LRRC8D: variants seen among roughly 807,000 people sequenced by gnomAD.
LRRC8D encodes the protein leucine rich repeat containing 8 VRAC subunit D, also known as volume-regulated anion channel subunit LRRC8D.
A neutral mutation model predicts 55.8 loss-of-function variants in LRRC8D; 20 were observed. The observed-to-expected ratio is 0.36, with a 90% CI of 0.25 to 0.52. LRRC8D has a LOEUF of 0.52. LRRC8D is among the 20% of genes least tolerant of loss of function. LRRC8D has a pLI of 0.93. For synonymous variants in LRRC8D, 352 were observed against 377.0 expected, an observed-to-expected ratio of 0.93 and a Z score of 0.77; for missense variants, 651 against 1,030.8, an observed-to-expected ratio of 0.63 and a Z score of 5.05.
At chr1:89,826,601 C>G (rs948510436) in intron 1 of LRRC8D, among the ~76,000 whole-genome samples, 5 of 152,146 alleles carry the variant, frequency 3.3e-5, no homozygotes, top group Non-Finnish European at 7.3e-5. Context: ...AGGTGATGTG[C>G]TTAGCGTAAG....
At chr1:89,927,232 C>T (rs1235225746) in intron 2 of LRRC8D, among the ~76,000 whole-genome samples, 2 of 152,274 alleles carry the variant, frequency 1.3e-5, no homozygotes, top group South Asian at 2.1e-4. Flanking sequence ...GGCGGAGGCG[C>T]AGCCTCAATG....
At chr1:89,828,683 A>ACC (rs1660818358) in intron 1 of LRRC8D, among the ~76,000 whole-genome samples, 1 of 151,848 alleles carries the variant, frequency 6.6e-6, no homozygotes, top group African/African-American at 2.4e-5. Flanking sequence ...GTCTGTGTCT[A>ACC]CCCCTTGACA....
intron 2 of LRRC8D, 142 bp downstream of exon 2, chr1:89,843,924 T>C: frequency 4.0e-6 from 2 of 497,264 alleles, no homozygotes; most frequent in South Asian, 5.0e-5. Context: ...ACCCGGGGTC[T>C]CTGCCAAACT....
intron 2 of LRRC8D, among the ~76,000 whole-genome samples, chr1:89,876,322 C>A (rs187063636): frequency 6.6e-6 from 1 of 152,294 alleles, no homozygotes; most frequent in East Asian, 1.9e-4. Context: ...AGGATTAAAA[C>A]CACCGTGGGG....
intron 2 of LRRC8D, among the ~76,000 whole-genome samples, chr1:89,876,202 T>C (rs1662142380): frequency 6.6e-6 from 1 of 152,182 alleles, no homozygotes; most frequent in Non-Finnish European, 1.5e-5. Context: ...GCTTTTTCTC[T>C]GTGGTTGAGG....
At chr1:89,916,295 AG>A (rs1486045157) in intron 2 of LRRC8D, among the ~76,000 whole-genome samples, 2 of 152,258 alleles carry the variant, frequency 1.3e-5, no homozygotes, top group East Asian at 3.8e-4. Flanking sequence ...TATTTTCATA[AG>A]AGCTGCACAA....
At chr1:89,834,855 A>G (rs1387665517) in intron 1 of LRRC8D, among the ~76,000 whole-genome samples, 8 of 152,180 alleles carry the variant, frequency 5.3e-5, no homozygotes, top group Non-Finnish European at 7.3e-5. Flanking sequence ...GTGTTTGGGA[A>G]ATGCTGCTGG....
rs946275666 is a variant in LRRC8D, at chr1:89,911,867, C to T, written c.-2-21200C>T. Among the ~76,000 whole-genome samples the T allele has an allele frequency of 5.3e-5, 8 of 152,164 alleles. No individual in the cohort carries two copies. The highest frequency in any genetic ancestry group is 1.0e-4 in the Non-Finnish European group (7 of 68,018). On this transcript the variant is annotated intron_variant, in intron 2 of 2. Coordinates refer to ENST00000337338, the MANE Select transcript of LRRC8D (RefSeq NM_001134479.2). The surrounding 1 kb of genome is among the most constrained non-coding windows in gnomAD (Gnocchi z 4.0). ...TTGCCTCTTTTGGCTTCTAGGCCAACATTCTCTTCATAGTTCTTGTCCTCT... is the reference window on the plus strand; with the variant it reads ...TTGCCTCTTTTGGCTTCTAGGCCAATATTCTCTTCATAGTTCTTGTCCTCT...
chr1:89,884,246 A>G (rs992595049), intron 2 of LRRC8D, among the ~76,000 whole-genome samples: 4 of 152,210 alleles, frequency 2.6e-5, no homozygotes, highest in Non-Finnish European at 5.9e-5. Flanking sequence ...AAAGAAAACA[A>G]TCTCACAGTA....
rs1450756839 is a variant in LRRC8D, at chr1:89,824,041, T to C, written c.-148+2750T>C. On this transcript the variant is annotated intron_variant, in intron 1 of 2. Transcript: ENST00000337338. Reference sequence around the variant, plus strand: ...AGGCAATTTTGCTTCTCAGCAGACATTGAGGAATGTCGGAGACATTTATGG... The same window carrying C: ...AGGCAATTTTGCTTCTCAGCAGACACTGAGGAATGTCGGAGACATTTATGG... 2.0e-5 allele frequency among the ~76,000 whole-genome samples: 3 copies of C among 152,038 alleles called. No individual in the cohort carries two copies. In the East Asian group the frequency reaches 5.8e-4, roughly 29 times the overall value.
chr1:89,877,739 T>C (rs1385506279), intron 2 of LRRC8D, among the ~76,000 whole-genome samples: 1 of 152,232 alleles, frequency 6.6e-6, no homozygotes, highest in Non-Finnish European at 1.5e-5. Flanking sequence ...TGGTATGGTA[T>C]TGTCTAGGTT....
rs1393559671 is a variant in LRRC8D, at chr1:89,936,228, AC to A, written c.*584del. ...CTCGTGTCATAGATTTTATACTCTT[AC>A]AGACTTGGAATGCAGTAGAGGTATG... On this transcript the variant is annotated 3_prime_UTR_variant, in exon 3 of 3. Transcript: ENST00000337338. 1 of 167,134 alleles carries A rather than the reference AC, an allele frequency of 6.0e-6. No homozygotes were observed. The highest frequency in any genetic ancestry group is 1.5e-5 in the Non-Finnish European group (1 of 68,198). 10.4% of individuals were successfully genotyped at this position (167,134 alleles called of 1,614,324 possible). A position where few individuals can be genotyped will look rare whatever the true frequency, so the allele number is the denominator to read the frequency against.
intron 2 of LRRC8D, among the ~76,000 whole-genome samples, chr1:89,883,421 C>T (rs1001429156): frequency 6.6e-6 from 1 of 152,146 alleles, no homozygotes; most frequent in Admixed American, 6.5e-5. Flanking sequence ...CAAGCATGAC[C>T]AGAGGGTAAA....
At chr1:89,875,268 A>G (rs183713718) in intron 2 of LRRC8D, among the ~76,000 whole-genome samples, 3 of 152,298 alleles carry the variant, frequency 2.0e-5, no homozygotes, top group Admixed American at 1.3e-4. Context: ...ATGGGATTGA[A>G]AGTTAGAAGC....
chr1:89,919,396 A>C (rs1663355033), intron 2 of LRRC8D, among the ~76,000 whole-genome samples: 1 of 152,224 alleles, frequency 6.6e-6, no homozygotes, highest in Non-Finnish European at 1.5e-5. Flanking sequence ...GGTCCCAAAA[A>C]GTAACTGGAA....
At chr1:89,913,350 T>C (rs999968381) in intron 2 of LRRC8D, among the ~76,000 whole-genome samples, 1 of 152,194 alleles carries the variant, frequency 6.6e-6, no homozygotes, top group Non-Finnish European at 1.5e-5. Flanking sequence ...GTAGTTATCA[T>C]AGAAATGGAA....
At chr1:89,843,849 GTCGGA>G (rs1382594087) in intron 2 of LRRC8D, 67 bp downstream of exon 2, 1 of 587,138 alleles carries the variant, frequency 1.7e-6, no homozygotes, top group Non-Finnish European at 3.1e-6. Flanking sequence ...CACTGCTAGT[GTCGGA>G]TCTGCATCTC....
chr1:89,847,553 G>A (rs944780497), intron 2 of LRRC8D, among the ~76,000 whole-genome samples: 1 of 152,174 alleles, frequency 6.6e-6, no homozygotes, highest in African/African-American at 2.4e-5. Flanking sequence ...TAGCTTTGAT[G>A]TTAAATGCCA....
rs528514742 is a variant in LRRC8D, at chr1:89,924,071, T to C, written c.-2-8996T>C. Among the ~76,000 whole-genome samples, 3 of 152,308 alleles carry C rather than the reference T, an allele frequency of 2.0e-5. No homozygotes were observed. In the South Asian group the frequency reaches 6.2e-4, roughly 32 times the overall value. On this transcript the variant is annotated intron_variant, in intron 2 of 2. Transcript: ENST00000337338. ...AGGCAATTGCAACAAAAACAAAAAT[T>C]GACAAGTGGGACCTAATTAAACTAA...
Sources: gnomAD v4.1 joint callset for allele counts (sites outside exome capture counted in the v4.1 genomes callset) on GRCh38, gnomAD v4.1.1 for gene constraint, Gnocchi (gnomAD v3.1) non-coding constraint, MANE v1.5 for transcripts, NCBI Gene and HGNC (gene_info 2026-07-23, HGNC 2026-07-21) for gene names.